The following SPG11 variants were observed in gnomAD, a reference collection of about 807,000 sequenced individuals.
SPG11 encodes SPG11 vesicle trafficking associated, spatacsin, also known as spatacsin.
A neutral mutation model predicts 274.0 loss-of-function variants in SPG11; 222 were observed. The ratio of observed to expected loss-of-function variants is 0.81; its 90% CI spans 0.73 to 0.91. SPG11 has a LOEUF of 0.91. Ranked by LOEUF, SPG11 falls within the 40% of genes least tolerant of loss-of-function variation. The pLI is 0.00. For missense variants in SPG11, 3,114 were observed against 2,872.7 expected, an observed-to-expected ratio of 1.08 and a Z score of -1.92; for synonymous variants, 1,144 against 1,039.7, an observed-to-expected ratio of 1.10 and a Z score of -1.93.
intron 11 of SPG11, among the ~76,000 whole-genome samples, 178 bp downstream of exon 11, chr15:44,626,153 T>C (rs571201546): frequency 8.7e-4 from 132 of 152,082 alleles, no homozygotes; most frequent in Admixed American, 2.3e-3. Flanking sequence ...ACTGGGATTA[T>C]AGACATGAGC....
Position 44,620,314 on chromosome 15 carries a change from G to C in SPG11, c.2710C>G (p.Gln904Glu), listed in dbSNP as rs760517153. Residue 904 changes from glutamine to glutamate, a missense_variant, in exon 15 of 40, where the codon CAA becomes GAA. By Grantham distance (29) the Gln-to-Glu change is conservative. Coordinates refer to ENST00000261866, the MANE Select transcript of SPG11 (RefSeq NM_025137.4). ...LNIILWIGEF[Q>E]TQHSYASLQQ... is the part of the protein sequence containing the mutation. ...AGTGAAGCATAACTATGCTGGGTTT[G>C]AAATTCTCCAATCCATAAGATAATG... 1.9e-6 allele frequency: 3 copies of C among 1,614,018 alleles called. No individual in the cohort carries two copies. The highest frequency in any genetic ancestry group is 2.5e-6 in the Non-Finnish European group (3 of 1,179,988).
At chr15:44,598,975 T>C in intron 21 of SPG11, 139 bp from the exon 22 acceptor site, 1 of 842,220 alleles carries the variant, frequency 1.2e-6, no homozygotes, top group Non-Finnish European at 2.0e-6. Context: ...TTTTGCCCCT[T>C]GCACATACCC....
intron 7 of SPG11, among the ~76,000 whole-genome samples, chr15:44,648,130 C>A (rs115820058): frequency 6.6e-6 from 1 of 152,048 alleles, no homozygotes; most frequent in African/African-American, 2.4e-5. Context: ...TGTTTTGGGA[C>A]CAAATTAGAT....
Position 44,628,753 on chromosome 15 carries a change from T to C in SPG11, c.1983A>G (p.Leu661=), listed in dbSNP as rs763563754. The C allele has an allele frequency of 1.9e-6, 3 of 1,613,752 alleles. No homozygotes were observed. Among genetic ancestry groups the C allele is most frequent in the East Asian group, 4.5e-5 (2 of 44,846 alleles). ...CATCATATTCATCTATAGCATCTGT[T>C]AGCTTCCAAGGAAACTTTATCATGA... is the stretch of plus-strand genomic sequence containing the variant. ...RTFMIKFPWK[L]TDAIDEYDVH... Residue 661 remains leucine, a synonymous_variant, in exon 10 of 40, where the codon CTA becomes CTG. Coordinates refer to ENST00000261866, the MANE Select transcript of SPG11 (RefSeq NM_025137.4).
In SPG11 at chr15:44,567,497, C is replaced by T. The variant is rs1224390876; in HGVS notation, c.6681G>A (p.Met2227Ile). The change falls in exon 36 of 40, where the codon ATG becomes ATA. Residue 2227 changes from methionine to isoleucine, a missense_variant. By Grantham distance (10) the Met-to-Ile change is conservative. Coordinates refer to ENST00000261866, the MANE Select transcript of SPG11 (RefSeq NM_025137.4). ...CGTGGTTCTCGCCAATCTCCCGGCA[C>T]ATGCTGAAGCACAGGGCAATCATAT... ...KHNMIALCFS[M>I]CREIGENHEA... 1.2e-6 allele frequency: 2 copies of T among 1,614,104 alleles called. No homozygotes were observed. The highest frequency in any genetic ancestry group is 3.3e-5 in the Admixed American group (2 of 60,000).
chr15:44,636,274 C>T lies in SPG11; in HGVS notation c.1603-2637G>A, dbSNP rs928794969. On this transcript the variant is annotated intron_variant, in intron 7 of 39. Coordinates refer to ENST00000261866, the MANE Select transcript of SPG11 (RefSeq NM_025137.4). The stretch of plus-strand genomic sequence containing the variant: ...GATAAACTAGAAAAAATTATTGGCC[C>T]GAGAGGAGACTATAAACAAACTATG... Among the ~76,000 whole-genome samples the T allele has an allele frequency of 5.9e-5, 9 of 151,730 alleles. No individual in the cohort carries two copies. In the East Asian group the frequency reaches 9.7e-4, roughly 16 times the overall value.
chr15:44,567,416 TCA>T lies in SPG11; in HGVS notation c.6754+6_6754+7del. On this transcript the variant is annotated splice_donor_region_variant and intron_variant, in intron 36 of 39. Coordinates refer to ENST00000261866, the MANE Select transcript of SPG11 (RefSeq NM_025137.4). ...CTGTTCTGGTAGTGTGGCTGTGACC[TCA>T]CTCACCCCAGGGCTGAGACTCAATC... is the stretch of plus-strand genomic sequence containing the variant. 6.2e-7 allele frequency: 1 copy of T among 1,601,964 alleles called. No individual in the cohort carries two copies. The highest frequency in any genetic ancestry group is 8.5e-7 in the Non-Finnish European group (1 of 1,171,814).
At chr15:44,663,284 G>T in intron 1 of SPG11, 107 bp downstream of exon 1, 1 of 1,453,308 alleles carries the variant, frequency 6.9e-7, no homozygotes, top group Non-Finnish European at 9.4e-7. Context: ...CCCTTCTCCC[G>T]CCACCTCTAT....
At chr15:44,574,698 G>A (rs1248206086) in intron 31 of SPG11, among the ~76,000 whole-genome samples, 1 of 152,164 alleles carries the variant, frequency 6.6e-6, no homozygotes, top group Non-Finnish European at 1.5e-5. Context: ...CTGCAGCCAG[G>A]AGTCAGATCG....
intron 28 of SPG11, among the ~76,000 whole-genome samples, chr15:44,586,902 C>T (rs948531888): frequency 6.6e-6 from 1 of 152,222 alleles, no homozygotes; most frequent in Non-Finnish European, 1.5e-5. Context: ...AAATCTCCAG[C>T]TGGCCAATAG....
At chr15:44,582,278 T>G (rs1429073076) in intron 30 of SPG11, among the ~76,000 whole-genome samples, 1 of 152,168 alleles carries the variant, frequency 6.6e-6, no homozygotes, top group Non-Finnish European at 1.5e-5. Context: ...CCGGGCACGG[T>G]GGCTCAAGCC....
chr15:44,583,960 T>C lies in SPG11; in HGVS notation c.5720A>G (p.Asp1907Gly), dbSNP rs1158214037. The C allele has an allele frequency of 5.0e-6, 8 of 1,614,056 alleles. No homozygotes were observed. The highest frequency in any genetic ancestry group is 6.8e-6 in the Non-Finnish European group (8 of 1,180,026). The change falls in exon 30 of 40, where the codon GAT becomes GGT. Residue 1907 changes from aspartate (D) to glycine (G), a missense_variant. Physicochemically the swap from Asp to Gly is moderately conservative, Grantham distance 94 (BLOSUM62 -1). Coordinates refer to ENST00000261866, the MANE Select transcript of SPG11 (RefSeq NM_025137.4). ...TCTGCAGTGCAATACCAAGGCGACA[T>C]CTGGATTATAAAAATGAAAATACCG... is the stretch of plus-strand genomic sequence containing the variant. ...VCRYFHFYNP[D>G]VALVLHCRAL...
chr15:44,569,223 G>A (rs983484889), intron 35 of SPG11, among the ~76,000 whole-genome samples, 175 bp downstream of exon 35: 21 of 151,588 alleles, frequency 1.4e-4, no homozygotes, highest in African/African-American at 5.1e-4. Flanking sequence ...TTCACGGACT[G>A]ATCTGAACCA....
intron 10 of SPG11, among the ~76,000 whole-genome samples, chr15:44,626,826 C>A (rs1052449043): frequency 7.2e-5 from 11 of 151,986 alleles, no homozygotes; most frequent in African/African-American, 2.4e-4. Context: ...CGTGTCCCCC[C>A]ACATAGGCTT....
At chr15:44,643,075 G>A (rs1277157808) in intron 7 of SPG11, among the ~76,000 whole-genome samples, 4 of 152,080 alleles carry the variant, frequency 2.6e-5, no homozygotes, top group Admixed American at 2.6e-4. Context: ...TGTAGGAGGA[G>A]ACCAGGGCCA....
intron 7 of SPG11, among the ~76,000 whole-genome samples, chr15:44,639,231 A>AG (rs2084368760): frequency 6.6e-6 from 1 of 151,586 alleles, no homozygotes; most frequent in African/African-American, 2.4e-5. Flanking sequence ...AGGGAACTTA[A>AG]CCTTACAAAG....
intron 12 of SPG11, 170 bp from the exon 13 acceptor site, chr15:44,622,517 T>G: frequency 2.6e-6 from 2 of 756,172 alleles, no homozygotes; most frequent in Non-Finnish European, 4.2e-6. Context: ...AGTTAATGTA[T>G]GTTAACACAA....
At chr15:44,563,345 G>C in intron 39 of SPG11, 44 bp from the exon 40 acceptor site, 1 of 1,565,350 alleles carries the variant, frequency 6.4e-7, no homozygotes, top group Non-Finnish European at 8.8e-7. Context: ...ACTGTTTTTT[G>C]TTTTGTTTTG....
At chr15:44,656,113 A>G (rs2084933320) in intron 4 of SPG11, among the ~76,000 whole-genome samples, 1 of 152,198 alleles carries the variant, frequency 6.6e-6, no homozygotes, top group Non-Finnish European at 1.5e-5. Context: ...AGGTCATCCA[A>G]GAAAAGTTGG....
Sources: gnomAD v4.1 joint callset for allele counts (sites outside exome capture counted in the v4.1 genomes callset) on GRCh38, gnomAD v4.1.1 for gene constraint, MANE v1.5 for transcripts, NCBI Gene and HGNC (gene_info 2026-07-23, HGNC 2026-07-21) for gene names.